The following MYO5B variants were observed in gnomAD, a reference collection of about 807,000 sequenced individuals.
The protein encoded by MYO5B is myosin VB.
A neutral mutation model predicts 229.3 loss-of-function variants in MYO5B; 143 were observed. That is an observed-to-expected ratio of 0.62 (90% confidence interval 0.54 to 0.72). The LOEUF (loss-of-function observed/expected upper bound fraction) is 0.72. MYO5B is among the 30% of genes least tolerant of loss of function. The pLI, the probability that MYO5B is intolerant of heterozygous loss-of-function variation, is 0.00. For synonymous variants in MYO5B, 918 were observed against 885.2 expected, an observed-to-expected ratio of 1.04 and a Z score of -0.66; for missense variants, 2,321 against 2,331.0, an observed-to-expected ratio of 1.00 and a Z score of 0.09.
chr18:50,135,656 G>A (rs979325758), intron 1 of MYO5B, among the ~76,000 whole-genome samples: 5 of 152,192 alleles, frequency 3.3e-5, no homozygotes, highest in South Asian at 2.1e-4. Flanking sequence ...CATTTTTGGT[G>A]TATTACTTAA....
intron 10 of MYO5B, among the ~76,000 whole-genome samples, chr18:49,964,786 A>G (rs1241501381): frequency 6.6e-6 from 1 of 152,222 alleles, no homozygotes; most frequent in Non-Finnish European, 1.5e-5. Context: ...ATCTTAGAAT[A>G]TCAACACTAT....
chr18:49,849,985 C>T (rs2024179169), intron 31 of MYO5B: 3 of 401,342 alleles, frequency 7.5e-6, no homozygotes, highest in South Asian at 4.2e-5. Flanking sequence ...AGGAGACACA[C>T]TCAGCCTAGG....
rs540652871 is a variant in MYO5B at position 49,830,922 on chromosome 18, G to C, written c.5395-4299C>G. On this transcript the variant is annotated intron_variant, in intron 39 of 39. Transcript: ENST00000285039. ...TTACAAAGCTATGGGAATCAAAACA[G>C]TATGGTACTGGTATACGGACAGACA... Among the ~76,000 whole-genome samples the C allele has an allele frequency of 8.1e-5, 12 of 148,502 alleles. No individual in the cohort carries two copies. The South Asian group carries it at 2.6e-3, about 32-fold the overall frequency.
intron 26 of MYO5B, among the ~76,000 whole-genome samples, chr18:49,872,746 TG>T (rs1390998410): frequency 3.3e-5 from 5 of 152,120 alleles, no homozygotes; most frequent in African/African-American, 1.2e-4. Flanking sequence ...GCCAAAAACA[TG>T]GGAAGTTGAG....
intron 1 of MYO5B, among the ~76,000 whole-genome samples, chr18:50,070,826 T>C (rs1293964389): frequency 7.3e-6 from 1 of 137,816 alleles, no homozygotes; most frequent in Non-Finnish European, 1.6e-5. Context: ...CTGCATACCA[T>C]CTCATCCCAC....
intron 4 of MYO5B, among the ~76,000 whole-genome samples, chr18:50,026,251 A>G (rs2026329490): frequency 6.6e-6 from 1 of 152,138 alleles, no homozygotes; most frequent in Admixed American, 6.5e-5. Context: ...ACAATCAAAT[A>G]ATTATTTGGT....
chr18:50,138,238 G>C (rs2144282079), intron 1 of MYO5B, among the ~76,000 whole-genome samples: 1 of 152,300 alleles, frequency 6.6e-6, no homozygotes, highest in African/African-American at 2.4e-5. Flanking sequence ...TCTAAATGTA[G>C]TTAGAAGTGT....
At chr18:49,897,383 G>A (rs2024790644) in intron 21 of MYO5B, among the ~76,000 whole-genome samples, 1 of 152,088 alleles carries the variant, frequency 6.6e-6, no homozygotes, top group Admixed American at 6.5e-5. Context: ...CCTTGTGTGT[G>A]TCTAGGCTAA....
At chr18:49,965,784 A>G (rs964211292) in intron 10 of MYO5B, among the ~76,000 whole-genome samples, 1 of 152,182 alleles carries the variant, frequency 6.6e-6, no homozygotes, top group East Asian at 1.9e-4. Flanking sequence ...TTCATGAAAA[A>G]GGAAAAACAG....
chr18:49,852,390 C>T (rs192392510), intron 31 of MYO5B, among the ~76,000 whole-genome samples: 13 of 152,246 alleles, frequency 8.5e-5, no homozygotes, highest in East Asian at 3.9e-4. Flanking sequence ...AGGTAACACA[C>T]GTATATGCAA....
At chr18:49,847,329 C>T in intron 32 of MYO5B, 40 bp from the exon 33 acceptor site, 3 of 1,604,132 alleles carry the variant, frequency 1.9e-6, no homozygotes, top group Non-Finnish European at 8.5e-7. Context: ...ATGAGACTTC[C>T]AGCTGCAGGC....
intron 26 of MYO5B, 45 bp from the exon 27 acceptor site, chr18:49,872,277 A>C (rs1352284115): frequency 1.3e-6 from 2 of 1,594,074 alleles, no homozygotes; most frequent in African/African-American, 2.7e-5. Context: ...CTCGAGCAAG[A>C]TATTCCACAG....
At chr18:50,168,205 ACCT>A (rs1351210740) in intron 1 of MYO5B, among the ~76,000 whole-genome samples, 3 of 152,118 alleles carry the variant, frequency 2.0e-5, no homozygotes, top group African/African-American at 4.8e-5. Flanking sequence ...TCCGAGTCAA[ACCT>A]CCTCATTTGC....
chr18:50,057,370 C>T (rs1460039794), intron 1 of MYO5B, among the ~76,000 whole-genome samples: 1 of 152,244 alleles, frequency 6.6e-6, no homozygotes, highest in Non-Finnish European at 1.5e-5. Context: ...GTCTCCACTC[C>T]ATGTAAATCA....
At chr18:49,906,671 G>A (rs186474358) in intron 18 of MYO5B, 41 bp from the exon 19 acceptor site, 49 of 1,551,134 alleles carry the variant, frequency 3.2e-5, no homozygotes, top group Admixed American at 6.7e-5. Flanking sequence ...TCACCAGTGA[G>A]CAGAGAAATA....
At chr18:50,122,117 G>A (rs1435941265) in intron 1 of MYO5B, among the ~76,000 whole-genome samples, 1 of 152,176 alleles carries the variant, frequency 6.6e-6, no homozygotes, top group Non-Finnish European at 1.5e-5. Flanking sequence ...AAAGCAGGGT[G>A]CTGTGAGAAC....
At chr18:50,146,970 C>T (rs745937592) in intron 1 of MYO5B, among the ~76,000 whole-genome samples, 6 of 152,128 alleles carry the variant, frequency 3.9e-5, no homozygotes, top group Non-Finnish European at 5.9e-5. Context: ...TCCAATCGCC[C>T]ACATAAATTC....
intron 1 of MYO5B, among the ~76,000 whole-genome samples, chr18:50,162,050 C>G (rs764786102): frequency 6.6e-6 from 1 of 152,240 alleles, no homozygotes; most frequent in Non-Finnish European, 1.5e-5. Context: ...AACAGCCACT[C>G]CCTCAGTAGT....
chr18:49,927,343 T>C (rs957877959), intron 17 of MYO5B, among the ~76,000 whole-genome samples: 4 of 140,214 alleles, frequency 2.9e-5, no homozygotes, highest in South Asian at 2.3e-4. Flanking sequence ...AATACTACCA[T>C]ATTTCTTCAC....
Sources: allele counts gnomAD v4.1 joint callset (sites outside exome capture counted in the v4.1 genomes callset), GRCh38; gene constraint gnomAD v4.1.1; transcripts MANE v1.5; gene names NCBI Gene and HGNC (gene_info 2026-07-23, HGNC 2026-07-21).